The following COPE variants were observed in gnomAD, a reference collection of about 807,000 sequenced individuals.
COPE encodes the protein coatomer subunit epsilon.
A neutral mutation model predicts 42.1 loss-of-function variants in COPE; 19 were observed. The ratio of observed to expected loss-of-function variants is 0.45; its 90% confidence interval spans 0.31 to 0.66. COPE has a LOEUF of 0.66. Ranked by LOEUF, COPE falls within the 30% of genes least tolerant of loss-of-function variation. The probability of loss-of-function intolerance (pLI) is 0.05; values close to 1 mark genes in which losing one functional copy is unlikely to be tolerated. For synonymous variants in COPE, 195 were observed against 181.3 expected, an observed-to-expected ratio of 1.08 and a Z score of -0.60; for missense variants, 402 against 416.1, an observed-to-expected ratio of 0.97 and a Z score of 0.30.
intron 3 of COPE, among the ~76,000 whole-genome samples, chr19:18,907,392 C>T (rs979710566): frequency 6.6e-6 from 1 of 152,208 alleles, no homozygotes; most frequent in Admixed American, 6.5e-5. Context: ...ACCAACCTCA[C>T]CCGCCTTCCT....
At chr19:18,915,838 T>C (rs2056849547) in intron 1 of COPE, among the ~76,000 whole-genome samples, 1 of 152,118 alleles carries the variant, frequency 6.6e-6, no homozygotes, top group Non-Finnish European at 1.5e-5. Context: ...AGCTGGGCGG[T>C]GCCTGCCATC....
chr19:18,902,773 G>GGA lies in COPE; in HGVS notation c.735+494_735+495insTC, dbSNP rs1568314850. On this transcript the variant is annotated intron_variant, in intron 7 of 9. Transcript: ENST00000262812. ...AAAGGAAGGAAGGAAGGAAGGGAAA[G>GGA]AAGGAAGGAAGGAAGGAAGGAAGGA... 6.6e-3 allele frequency among the ~76,000 whole-genome samples: 50 copies of GGA among 7,570 alleles called. 1 individual carries two copies. The highest frequency in any genetic ancestry group is 0.012 in the Admixed American group (6 of 488). 5.0% of individuals were successfully genotyped at this position (7,570 alleles called of 152,430 possible). A position where few individuals can be genotyped will look rare whatever the true frequency, so the allele number is the denominator to read the frequency against.
intron 4 of COPE, 68 bp downstream of exon 4, chr19:18,906,892 G>A (rs1403210487): frequency 1.2e-5 from 17 of 1,475,122 alleles, no homozygotes; most frequent in Admixed American, 9.2e-5. Context: ...GAGGCCGTGC[G>A]CAGCCTGGAG....
At chr19:18,903,870 A>C (rs2056732562) in intron 6 of COPE, among the ~76,000 whole-genome samples, 1 of 152,004 alleles carries the variant, frequency 6.6e-6, no homozygotes, top group African/African-American at 2.4e-5. Context: ...AGCCCAAACT[A>C]CCCGATAGGT....
chr19:18,905,528 G>C, intron 5 of COPE, 48 bp downstream of exon 5: 5 of 1,514,032 alleles, frequency 3.3e-6, no homozygotes, highest in Non-Finnish European at 4.5e-6. Flanking sequence ...GGGCTGTGAC[G>C]CTCTGGGCTG....
Position 18,900,380 on chromosome 19 carries a change from C to T in COPE, c.804+1G>A, listed in dbSNP as rs1031095160. 1 of 1,548,144 alleles carries T rather than the reference C, an allele frequency of 6.5e-7. No homozygotes were observed. Among genetic ancestry groups the T allele is most frequent in the Non-Finnish European group, 8.7e-7 (1 of 1,145,260 alleles). On this transcript the variant is annotated splice_donor_variant, in intron 8 of 9. Coordinates refer to ENST00000262812, the MANE Select transcript of COPE (RefSeq NM_007263.4). LOFTEE classifies it high-confidence loss of function. The stretch of plus-strand genomic sequence containing the variant: ...GGCCTGGAGCCCTGGGGGCCGCTTA[C>T]CTCAGGGGGCTTGCCCAGGTGCTGG...
rs573920245 is a variant in COPE, at chr19:18,905,576, C to T, written c.497G>A (p.Arg166Gln). Residue 166 changes from arginine to glutamine, a missense_variant and splice_region_variant, in exon 5 of 10, where the codon CGG (arginine) becomes CAG (glutamine). By Grantham distance (43) the Arg-to-Gln change is conservative. Transcript: ENST00000262812. ...GGTGGAGAGGGGCAGGAGGGCTCAC[C>T]GGGCGAGGTCCAGGCGGTCCAGCTT... is the stretch of plus-strand genomic sequence containing the variant. The part of the protein sequence containing the change: ...LLKLDRLDLA[R>Q]KELKRMQDLD... 2.3e-5 allele frequency: 37 copies of T among 1,590,070 alleles called. No individual in the cohort carries two copies. In the South Asian group the frequency reaches 3.5e-4, roughly 15 times the overall value.
In COPE at chr19:18,910,984, G is replaced by C. The variant is rs758893966; in HGVS notation, c.277C>G (p.His93Asp). Residue 93 changes from histidine (H) to aspartate (D), a missense_variant, in exon 3 of 10, where the codon CAC becomes GAC. Physicochemically the swap from His to Asp is moderately conservative, Grantham distance 81. Coordinates refer to ENST00000262812, the MANE Select transcript of COPE (RefSeq NM_007263.4). ...CTGGGGCCTCACCTCCGACTCTCGT[G>C]GGCGAGGTAGTCAGCAAACATGCGC... ...AVRMFADYLA[H>D]ESRRDSIVAE... The C allele has an allele frequency of 1.2e-6, 2 of 1,613,886 alleles. No homozygotes were observed. Among genetic ancestry groups the C allele is most frequent in the Non-Finnish European group, 8.5e-7 (1 of 1,179,992 alleles).
At chr19:18,911,329 C>G in intron 2 of COPE, 1 of 497,584 alleles carries the variant, frequency 2.0e-6, no homozygotes. Context: ...CTGTCTATCC[C>G]CTGGCAGCTG....
At position 18,913,040 on chromosome 19, in the gene COPE, T is replaced by C; in HGVS notation, c.133A>G (p.Ser45Gly). Residue 45 changes from serine to glycine, a missense_variant, in exon 2 of 10, where the codon AGC (serine) becomes GGC (glycine). By Grantham distance (56) the Ser-to-Gly change is moderately conservative (BLOSUM62 0). Coordinates refer to ENST00000262812, the MANE Select transcript of COPE (RefSeq NM_007263.4). ...INEAQRVKLS[S>G]PERDVERDVF... The stretch of plus-strand genomic sequence containing the variant: ...TCCCTCTCCACGTCTCTCTCTGGGC[T>C]TGATAGCTGTGGGAACCAATGTGAG... 1 of 1,611,408 alleles carries C rather than the reference T, an allele frequency of 6.2e-7. No individual in the cohort carries two copies. Among genetic ancestry groups the C allele is most frequent in the Non-Finnish European group, 8.5e-7 (1 of 1,179,884 alleles).
At chr19:18,915,737 T>A (rs1485070225) in intron 1 of COPE, among the ~76,000 whole-genome samples, 1 of 151,836 alleles carries the variant, frequency 6.6e-6, no homozygotes, top group African/African-American at 2.4e-5. Flanking sequence ...ACCTTGGGGG[T>A]AGTAACTCCT....
In COPE at chr19:18,910,986, G is replaced by T; in HGVS notation, c.275C>A (p.Ala92Asp). 6.2e-7 allele frequency: 1 copy of T among 1,613,934 alleles called. No individual in the cohort carries two copies. ...QAVRMFADYL[A>D]HESRRDSIVA... ...GGGGCCTCACCTCCGACTCTCGTGG[G>T]CGAGGTAGTCAGCAAACATGCGCAC... The change falls in exon 3 of 10, where the codon GCC (alanine) becomes GAC (aspartate). Residue 92 changes from alanine to aspartate, a missense_variant. Physicochemically the swap from Ala to Asp is moderately radical, Grantham distance 126. Transcript: ENST00000262812.
At chr19:18,901,259 TGA>T (rs1226717586) in intron 7 of COPE, among the ~76,000 whole-genome samples, 1 of 152,170 alleles carries the variant, frequency 6.6e-6, no homozygotes, top group Non-Finnish European at 1.5e-5. Flanking sequence ...ATCTAACTGG[TGA>T]GTCACGGAAC....
At chr19:18,907,244 C>A in intron 3 of COPE, 132 bp from the exon 4 acceptor site, 1 of 918,186 alleles carries the variant, frequency 1.1e-6, no homozygotes, top group Non-Finnish European at 1.6e-6. Context: ...AGCAGCAGGC[C>A]GAGCATCGAG....
Position 18,903,414 on chromosome 19 carries a change from T to C in COPE, c.589A>G (p.Lys197Glu). 1 of 1,608,696 alleles carries C rather than the reference T, an allele frequency of 6.2e-7. No individual in the cohort carries two copies. Among genetic ancestry groups the C allele is most frequent in the Admixed American group, 1.7e-5 (1 of 59,450 alleles). The change falls in exon 7 of 10, where the codon AAG becomes GAG. Residue 197 changes from lysine (K) to glutamate (E), a missense_variant. Transcript: ENST00000262812. ...AAGATGTAGTAGGCATCCTGCAGCT[T>C]CTCACCACCCTGCAGGGAGGGTCCC... ...AWVSLATGGE[K>E]LQDAYYIFQE...
intron 6 of COPE, 126 bp downstream of exon 6, chr19:18,904,645 G>A: frequency 1.2e-6 from 1 of 801,344 alleles, no homozygotes; most frequent in Non-Finnish European, 2.0e-6. Context: ...CAGGCTGGCA[G>A]GGGCCACGGC....
intron 2 of COPE, among the ~76,000 whole-genome samples, chr19:18,912,115 G>A (rs1028469674): frequency 6.6e-6 from 1 of 152,070 alleles, no homozygotes; most frequent in Non-Finnish European, 1.5e-5. Context: ...CCAAAGTGCT[G>A]GGATTACAGG....
At chr19:18,907,720 T>A (rs1431788248) in intron 3 of COPE, among the ~76,000 whole-genome samples, 3 of 152,204 alleles carry the variant, frequency 2.0e-5, no homozygotes, top group Non-Finnish European at 2.9e-5. Context: ...AGACCCTCCA[T>A]TCCCCATGGC....
chr19:18,910,876 C>A, intron 3 of COPE, 95 bp downstream of exon 3: 1 of 1,055,894 alleles, frequency 9.5e-7, no homozygotes, highest in Non-Finnish European at 1.4e-6. Flanking sequence ...GGATGCTGTG[C>A]GCTGCACGCC....
Sources: gnomAD v4.1 joint callset for allele counts (sites outside exome capture counted in the v4.1 genomes callset) on GRCh38, gnomAD v4.1.1 for gene constraint, MANE v1.5 for transcripts, NCBI Gene and HGNC (gene_info 2026-07-23, HGNC 2026-07-21) for gene names.